The following SLC8A1 variants were observed in gnomAD, a reference collection of about 807,000 sequenced individuals.
SLC8A1 encodes solute carrier family 8 member A1.
In SLC8A1, 18 loss-of-function variants were observed where a neutral mutation model predicts 68.3. The ratio of observed to expected loss-of-function variants is 0.26; its 90% CI spans 0.18 to 0.39. SLC8A1 has a LOEUF of 0.39. Ranked by LOEUF, SLC8A1 falls within the 10% of genes least tolerant of loss-of-function variation. The pLI is 1.00. For synonymous variants in SLC8A1, 475 were observed against 415.5 expected (o/e 1.14, Z -1.74); for missense variants, 985 against 1,156.7 (o/e 0.85, Z 2.15).
At chr2:40,232,114 G>C (rs2059728743) in intron 2 of SLC8A1, among the ~76,000 whole-genome samples, 1 of 152,134 alleles carries the variant, frequency 6.6e-6, no homozygotes, top group South Asian at 2.1e-4. Context: ...AGAGGTGGTA[G>C]ATCACTGAAG....
At chr2:40,417,495 GT>G (rs1235919493) in intron 2 of SLC8A1, among the ~76,000 whole-genome samples, 1 of 152,024 alleles carries the variant, frequency 6.6e-6, no homozygotes, top group Admixed American at 6.6e-5. Context: ...TGACAATTTT[GT>G]TTGTTTCTTT....
chr2:40,168,318 C>G (rs1277788576), intron 4 of SLC8A1, among the ~76,000 whole-genome samples: 1 of 151,946 alleles, frequency 6.6e-6, no homozygotes, highest in African/African-American at 2.4e-5. Flanking sequence ...TAGAAGATTG[C>G]CGCCCGGTGA....
chr2:40,201,099 AC>A, intron 2 of SLC8A1, among the ~76,000 whole-genome samples: 1 of 150,946 alleles, frequency 6.6e-6, no homozygotes, highest in East Asian at 2.0e-4. Context: ...TTGAACGGAG[AC>A]CCCCACTCCC....
chr2:40,410,488 G>C (rs931614077), intron 2 of SLC8A1, among the ~76,000 whole-genome samples: 10 of 151,890 alleles, frequency 6.6e-5, no homozygotes, highest in African/African-American at 2.4e-4. Flanking sequence ...TAATCTATTT[G>C]CAAATATTTC....
intron 7 of SLC8A1, among the ~76,000 whole-genome samples, chr2:40,135,934 G>C (rs954593285): frequency 6.6e-6 from 1 of 152,160 alleles, no homozygotes; most frequent in Admixed American, 6.5e-5. Flanking sequence ...CAAATTACAT[G>C]TCTGGCATCA....
rs193080916 is a variant in SLC8A1, at chr2:40,400,798, A to C, written c.1808+27675T>G. 4.6e-5 allele frequency among the ~76,000 whole-genome samples: 7 copies of C among 152,310 alleles called. No homozygotes were observed. The East Asian group carries it at 1.4e-3, about 29-fold the overall frequency. On this transcript the variant is annotated intron_variant, in intron 2 of 7. Coordinates refer to ENST00000406785, the Ensembl canonical transcript of SLC8A1. ...ATTTTGGTGATGATGTCAGAATTGG[A>C]GCATCTGCCTTCTAAGGACTTTGTC...
chr2:40,177,675 G>T (rs931397516), intron 3 of SLC8A1: 8 of 876,492 alleles, frequency 9.1e-6, no homozygotes, highest in African/African-American at 6.7e-5. Flanking sequence ...AGAGGAGAGA[G>T]TTAAGTGTGA....
exon 2 of SLC8A1, chr2:40,430,043 C>T (rs1441415024): frequency 6.2e-7 from 1 of 1,613,904 alleles, no homozygotes; most frequent in East Asian, 2.2e-5. Flanking sequence ...ACAAAATACA[C>T]AGTAGCTCTA....
At chr2:40,484,997 G>T (rs756259041) in intron 1 of SLC8A1, among the ~76,000 whole-genome samples, 1 of 152,168 alleles carries the variant, frequency 6.6e-6, no homozygotes, top group Non-Finnish European at 1.5e-5. Context: ...GAAAGTGTTT[G>T]ACATCTGCTA....
chr2:40,120,653 ACTATT>A (rs1558428281), intron 7 of SLC8A1: 6 of 152,222 alleles, frequency 3.9e-5, no homozygotes, highest in African/African-American at 1.4e-4. Context: ...GATGATTATA[ACTATT>A]TTATCATTGT....
chr2:40,284,627 C>G (rs997787900), intron 2 of SLC8A1, among the ~76,000 whole-genome samples: 1 of 145,608 alleles, frequency 6.9e-6, no homozygotes, highest in Non-Finnish European at 1.5e-5. Context: ...AAATTGAAAG[C>G]TTTTGGGGAA....
At chr2:40,217,085 T>C (rs2057615408) in intron 2 of SLC8A1, among the ~76,000 whole-genome samples, 1 of 150,998 alleles carries the variant, frequency 6.6e-6, no homozygotes, top group African/African-American at 2.4e-5. Flanking sequence ...TGCCTAGATA[T>C]TGCCTAGGTT....
At chr2:40,099,419 G>A (rs181653172) in exon 8 of SLC8A1, 2 of 152,208 alleles carry the variant, frequency 1.3e-5, no homozygotes, top group East Asian at 3.9e-4. Flanking sequence ...ATTTCAAAGT[G>A]TAGTGAAGTT....
At chr2:40,184,586 A>G (rs1303676006) in intron 2 of SLC8A1, among the ~76,000 whole-genome samples, 1 of 152,146 alleles carries the variant, frequency 6.6e-6, no homozygotes, top group Non-Finnish European at 1.5e-5. Context: ...ACGTTTTTAC[A>G]CAACAGTGAT....
intron 2 of SLC8A1, among the ~76,000 whole-genome samples, chr2:40,308,583 G>T (rs916918553): frequency 6.6e-6 from 1 of 151,992 alleles, no homozygotes; most frequent in African/African-American, 2.4e-5. Context: ...AGACTTCTGG[G>T]AATCACCACC....
intron 2 of SLC8A1, among the ~76,000 whole-genome samples, chr2:40,405,791 C>T (rs2149677833): frequency 6.6e-6 from 1 of 152,232 alleles, no homozygotes; most frequent in East Asian, 1.9e-4. Flanking sequence ...TCCTCCTATT[C>T]CGGGCAATCC....
intron 2 of SLC8A1, among the ~76,000 whole-genome samples, chr2:40,329,285 T>G (rs963894572): frequency 6.6e-6 from 1 of 152,190 alleles, no homozygotes; most frequent in Non-Finnish European, 1.5e-5. Flanking sequence ...GTCTCCACAA[T>G]CTGAAGTACT....
chr2:40,136,644 G>A (rs1278938607), intron 7 of SLC8A1, among the ~76,000 whole-genome samples: 3 of 152,150 alleles, frequency 2.0e-5, no homozygotes, highest in Non-Finnish European at 4.4e-5. Context: ...GGCTATAAAT[G>A]AAGGGAATTA....
rs2064980954 is a variant in SLC8A1 at position 40,263,573 on chromosome 2, G to C, written c.1809-85718C>G. On this transcript the variant is annotated intron_variant, in intron 2 of 7. Transcript: ENST00000406785. ...ACAGATCTACAACCATCTGATCTTT[G>C]ACAAACCTGACAAAAACAAGAAAAG... Among the ~76,000 whole-genome samples, 5 of 152,012 alleles carry C rather than the reference G, an allele frequency of 3.3e-5. No homozygotes were observed. The South Asian group carries it at 1.0e-3, about 32-fold the overall frequency.
Sources: gnomAD v4.1 joint callset for allele counts (sites outside exome capture counted in the v4.1 genomes callset) on GRCh38, gnomAD v4.1.1 for gene constraint, MANE v1.5 for transcripts, NCBI Gene and HGNC (gene_info 2026-07-23, HGNC 2026-07-21) for gene names.